Variants in BRINP3 observed in about 807,000 individuals in gnomAD.
BRINP3 encodes BMP/retinoic acid inducible neural specific 3, also known as BMP/retinoic acid-inducible neural-specific protein 3.
BRINP3 carries 19 observed loss-of-function variants against 71.0 expected under a neutral mutation model. That is an observed-to-expected ratio of 0.27 (90% CI 0.19 to 0.39). The LOEUF (loss-of-function observed/expected upper bound fraction) is 0.39. BRINP3 is among the 10% of genes least tolerant of loss of function. The pLI is 1.00. For missense variants in BRINP3, 959 were observed against 940.8 expected (o/e 1.02, Z -0.25); for synonymous variants, 380 against 337.7 (o/e 1.13, Z -1.37).
intron 2 of BRINP3, among the ~76,000 whole-genome samples, chr1:190,282,074 C>A (rs949196048): frequency 1.3e-5 from 2 of 151,554 alleles, no homozygotes; most frequent in Non-Finnish European, 2.9e-5. Flanking sequence ...AACAAAACAA[C>A]TTAAGGGCAA....
At position 190,098,912 on chromosome 1, in the gene BRINP3, G is replaced by C; in HGVS notation, c.1407C>G (p.Leu469=). Residue 469 remains leucine (L), a synonymous_variant, in exon 8 of 8, where the codon CTC becomes CTG. Transcript: ENST00000367462. ...RCGTCNTGYM[L]SQGLCKPEVA... ...CTTCAGGCTTGCAGAGCCCCTGGCTGAGCATGTAGCCGGTGTTGCAGGTGC... is the reference window on the plus strand; with the variant it reads ...CTTCAGGCTTGCAGAGCCCCTGGCTCAGCATGTAGCCGGTGTTGCAGGTGC... The C allele has an allele frequency of 6.2e-7, 1 of 1,614,194 alleles. No homozygotes were observed.
chr1:190,296,235 A>G (rs1010977782), intron 2 of BRINP3, among the ~76,000 whole-genome samples: 24 of 124,154 alleles, frequency 1.9e-4, no homozygotes, highest in Admixed American at 4.4e-4. Context: ...TTAAAAATTA[A>G]AAAAAAACAT....
intron 2 of BRINP3, among the ~76,000 whole-genome samples, chr1:190,354,649 G>A (rs2102068964): frequency 6.6e-6 from 1 of 151,804 alleles, no homozygotes; most frequent in Non-Finnish European, 1.5e-5. Context: ...GAGATTAATT[G>A]CCACCCTTTG....
rs575500825 is a variant in BRINP3, at chr1:190,247,272, C to T, written c.619-12795G>A. Among the ~76,000 whole-genome samples, 174 of 151,864 alleles carry T rather than the reference C, an allele frequency of 1.1e-3. 6 individuals carry two copies. In the South Asian group the frequency reaches 0.035, roughly 31 times the overall value. ...CAGGAGTATTCTCCCCAGATATAAACGTTAAAATAATTTACCTGCAATACC... is the reference window on the plus strand; with the variant it reads ...CAGGAGTATTCTCCCCAGATATAAATGTTAAAATAATTTACCTGCAATACC... On this transcript the variant is annotated intron_variant, in intron 4 of 7. Transcript: ENST00000367462.
chr1:190,280,267 T>C (rs1002169085), intron 3 of BRINP3, among the ~76,000 whole-genome samples: 1 of 151,626 alleles, frequency 6.6e-6, no homozygotes, highest in Non-Finnish European at 1.5e-5. Context: ...AAATAGAGCA[T>C]GAGGAAGAAA....
chr1:190,158,164 G>A (rs1274603554), intron 7 of BRINP3, among the ~76,000 whole-genome samples: 2 of 152,036 alleles, frequency 1.3e-5, no homozygotes, highest in Non-Finnish European at 2.9e-5. Flanking sequence ...TTCCCATGCT[G>A]TTCTTGTGAT....
intron 7 of BRINP3, among the ~76,000 whole-genome samples, chr1:190,158,043 A>G (rs149923167): frequency 1.3e-5 from 2 of 152,260 alleles, no homozygotes; most frequent in East Asian, 3.9e-4. Context: ...GTACTTATTT[A>G]TAAGTGGGAA....
chr1:190,213,766 G>A (rs1656182436), intron 6 of BRINP3, among the ~76,000 whole-genome samples: 1 of 152,026 alleles, frequency 6.6e-6, no homozygotes, highest in Non-Finnish European at 1.5e-5. Flanking sequence ...AAATGAGAGA[G>A]AAAGGAGGGA....
At chr1:190,268,421 A>G (rs1661833598) in intron 3 of BRINP3, among the ~76,000 whole-genome samples, 1 of 152,078 alleles carries the variant, frequency 6.6e-6, no homozygotes, top group African/African-American at 2.4e-5. Context: ...AAGAAGTGAA[A>G]TATAGGATCC....
chr1:190,464,122 C>T (rs993949867), intron 1 of BRINP3, among the ~76,000 whole-genome samples: 5 of 148,418 alleles, frequency 3.4e-5, no homozygotes, highest in Admixed American at 6.7e-5. Context: ...ACAAAAATTA[C>T]GTCTTTCAAA....
intron 7 of BRINP3, among the ~76,000 whole-genome samples, chr1:190,102,488 C>T (rs1236944858): frequency 6.6e-6 from 1 of 152,066 alleles, no homozygotes; most frequent in Admixed American, 6.6e-5. Context: ...TCTACTTGGG[C>T]TAAGAATTGT....
At chr1:190,286,692 C>A (rs1295575840) in intron 2 of BRINP3, among the ~76,000 whole-genome samples, 3 of 151,962 alleles carry the variant, frequency 2.0e-5, no homozygotes, top group East Asian at 1.9e-4. Flanking sequence ...TTATCAATAA[C>A]CATTAAAATT....
At chr1:190,166,713 T>C (rs577475640) in intron 6 of BRINP3, among the ~76,000 whole-genome samples, 2 of 152,246 alleles carry the variant, frequency 1.3e-5, no homozygotes, top group South Asian at 4.1e-4. Context: ...TTGACCTCAC[T>C]AAATACGTCT....
intron 2 of BRINP3, among the ~76,000 whole-genome samples, chr1:190,446,061 A>G (rs1004717983): frequency 3.9e-5 from 6 of 152,128 alleles, no homozygotes; most frequent in Non-Finnish European, 8.8e-5. Flanking sequence ...CACAATTCTC[A>G]TTAAGAACTG....
intron 6 of BRINP3, among the ~76,000 whole-genome samples, chr1:190,225,408 T>A (rs1168222198): frequency 6.6e-6 from 1 of 151,758 alleles, no homozygotes; most frequent in Admixed American, 6.6e-5. Context: ...ATGTTCCCAC[T>A]CATATGTGGA....
chr1:190,114,397 A>C (rs187394293), intron 7 of BRINP3, among the ~76,000 whole-genome samples: 17 of 152,216 alleles, frequency 1.1e-4, no homozygotes, highest in Admixed American at 3.3e-4. Flanking sequence ...TACAACCCCC[A>C]AAAAATCAGT....
intron 1 of BRINP3, among the ~76,000 whole-genome samples, chr1:190,470,129 A>G (rs543806493): frequency 3.0e-4 from 45 of 151,128 alleles, no homozygotes; most frequent in Non-Finnish European, 4.8e-4. Flanking sequence ...TTGTTTTTTA[A>G]TAGTGCAATA....
intron 1 of BRINP3, among the ~76,000 whole-genome samples, chr1:190,464,487 GTTA>G (rs1676607634): frequency 1.3e-5 from 2 of 151,970 alleles, no homozygotes; most frequent in Admixed American, 6.6e-5. Context: ...TTTGCTGGCA[GTTA>G]TTATGTTTTC....
At chr1:190,105,238 G>A (rs1652051769) in intron 7 of BRINP3, among the ~76,000 whole-genome samples, 1 of 151,848 alleles carries the variant, frequency 6.6e-6, no homozygotes, top group Non-Finnish European at 1.5e-5. Context: ...TCTGAGAAAG[G>A]GAAATGTCAC....
Sources: gnomAD v4.1 joint callset for allele counts (sites outside exome capture counted in the v4.1 genomes callset) on GRCh38, gnomAD v4.1.1 for gene constraint, MANE v1.5 for transcripts, NCBI Gene and HGNC (gene_info 2026-07-23, HGNC 2026-07-21) for gene names.